Variants in CCSER1 observed in about 807,000 individuals in gnomAD.
CCSER1 encodes serine-rich coiled-coil domain-containing protein 1.
CCSER1 carries 41 observed loss-of-function variants against 82.0 expected under a neutral mutation model. The ratio of observed to expected loss-of-function variants is 0.50; its 90% CI spans 0.39 to 0.65. CCSER1 has a LOEUF of 0.65. Among genes scored for constraint, CCSER1 ranks in the 30% least tolerant of loss-of-function variants. The pLI, the probability that CCSER1 is intolerant of heterozygous loss-of-function variation, is 0.00. For missense variants in CCSER1, 1,119 were observed against 1,064.2 expected, an observed-to-expected ratio of 1.05 and a Z score of -0.72; for synonymous variants, 414 against 383.9, an observed-to-expected ratio of 1.08 and a Z score of -0.92.
At chr4:91,159,513 A>G (rs900340194) in intron 10 of CCSER1, among the ~76,000 whole-genome samples, 2 of 151,966 alleles carry the variant, frequency 1.3e-5, no homozygotes, top group African/African-American at 4.8e-5. Context: ...GGAAACATAA[A>G]TATTAATTAT....
intron 10 of CCSER1, among the ~76,000 whole-genome samples, chr4:91,287,102 G>A (rs1743333827): frequency 6.6e-6 from 1 of 151,442 alleles, no homozygotes; most frequent in South Asian, 2.1e-4. Context: ...TTTAAAGTGG[G>A]GTACCTTAAA....
chr4:90,158,665 G>T (rs1025722794), intron 1 of CCSER1, among the ~76,000 whole-genome samples: 9 of 152,208 alleles, frequency 5.9e-5, no homozygotes, highest in Non-Finnish European at 1.3e-4. Context: ...CTCCGTGGGC[G>T]TAGGACCCTC....
intron 4 of CCSER1, among the ~76,000 whole-genome samples, chr4:90,463,240 G>A (rs879365519): frequency 1.3e-5 from 2 of 152,014 alleles, no homozygotes; most frequent in Admixed American, 6.6e-5. Context: ...CCAGATGTAG[G>A]GATATTATTG....
rs768964116 is a variant in CCSER1, at chr4:90,662,000, CTTTTTTT to C, written c.1932+33778_1932+33784del. 2.9e-5 allele frequency among the ~76,000 whole-genome samples: 4 copies of C among 136,186 alleles called. No individual in the cohort carries two copies. The East Asian group carries it at 8.6e-4, about 29-fold the overall frequency. The allele number at this position is 136,186 out of a possible 152,430, so 89.3% of individuals were successfully genotyped here. On this transcript the variant is annotated intron_variant, in intron 6 of 10. Coordinates refer to ENST00000509176, the MANE Select transcript of CCSER1 (RefSeq NM_001145065.2). ...TATACCACTCTTTGTTTCTTTCTTT[CTTTTTTT>C]TTTTTTTTTGAGACTTAGTCTCACT...
chr4:90,923,397 T>C lies in CCSER1; in HGVS notation c.2122T>C (p.Phe708Leu). Residue 708 changes from phenylalanine (F) to leucine (L), a missense_variant, in exon 9 of 11, where the codon TTT (phenylalanine) becomes CTT (leucine). Coordinates refer to ENST00000509176, the MANE Select transcript of CCSER1 (RefSeq NM_001145065.2). ...LGKVRHLQKA[F>L]ASRVDKSTQT... Reference sequence around the variant, plus strand: ...AAAAGTCCGGCATTTACAGAAGGCTTTTGCTTCAAGAGTAGATAAATCCAC... The same window carrying C: ...AAAAGTCCGGCATTTACAGAAGGCTCTTGCTTCAAGAGTAGATAAATCCAC... 1 of 1,551,484 alleles carries C rather than the reference T, an allele frequency of 6.4e-7. No individual in the cohort carries two copies. The highest frequency in any genetic ancestry group is 8.7e-7 in the Non-Finnish European group (1 of 1,146,832).
At chr4:91,349,199 G>A (rs1414498806) in intron 10 of CCSER1, among the ~76,000 whole-genome samples, 5 of 149,788 alleles carry the variant, frequency 3.3e-5, no homozygotes, top group South Asian at 2.1e-4. Flanking sequence ...GAGACACGGC[G>A]CCCGGCCAAT....
chr4:91,289,064 G>A (rs748474894), intron 10 of CCSER1, among the ~76,000 whole-genome samples: 6 of 152,012 alleles, frequency 3.9e-5, no homozygotes, highest in Non-Finnish European at 7.4e-5. Context: ...AGCCAAAGGA[G>A]GGACTTACAT....
intron 10 of CCSER1, among the ~76,000 whole-genome samples, chr4:91,137,816 G>A (rs1357992379): frequency 3.3e-5 from 5 of 151,258 alleles, no homozygotes; most frequent in Non-Finnish European, 7.4e-5. Context: ...GCCAAATCAT[G>A]AGTGAAATCC....
chr4:90,395,915 CA>C (rs57765593), intron 3 of CCSER1, among the ~76,000 whole-genome samples: 1,739 of 101,994 alleles, frequency 0.017, 23 homozygotes, highest in South Asian at 0.046. Context: ...ACTAAAAATA[CA>C]AAAAAAAAAA....
At chr4:91,217,629 T>C (rs932467205) in intron 10 of CCSER1, among the ~76,000 whole-genome samples, 6 of 152,184 alleles carry the variant, frequency 3.9e-5, no homozygotes, top group Non-Finnish European at 7.3e-5. Flanking sequence ...AGAGTGTCGA[T>C]TGGTGCACTC....
intron 4 of CCSER1, among the ~76,000 whole-genome samples, chr4:90,422,178 T>A (rs1244012522): frequency 6.6e-6 from 1 of 152,180 alleles, no homozygotes; most frequent in Non-Finnish European, 1.5e-5. Context: ...GCAAAGTCAT[T>A]TAAGACTCTG....
At chr4:90,319,045 G>A (rs1490032177) in intron 3 of CCSER1, among the ~76,000 whole-genome samples, 1 of 152,150 alleles carries the variant, frequency 6.6e-6, no homozygotes, top group African/African-American at 2.4e-5. Context: ...ATGAACTCCT[G>A]TTTCCCAGCT....
chr4:91,598,875 A>C lies in CCSER1; in HGVS notation c.2521A>C (p.Thr841Pro), dbSNP rs534372336. The change falls in exon 11 of 11, where the codon ACG becomes CCG. Residue 841 changes from threonine (T) to proline (P), a missense_variant. Coordinates refer to ENST00000509176, the MANE Select transcript of CCSER1 (RefSeq NM_001145065.2). ...AACAGCTAAGACAGAAGGGCTCTCC[A>C]CGTTCTTAGAGAAACCAAAGGACCA... ...KPTAKTEGLS[T>P]FLEKPKDQVA... 3.9e-6 allele frequency: 6 copies of C among 1,551,520 alleles called. No individual in the cohort carries two copies. The African/African-American group carries it at 6.8e-5, about 18-fold the overall frequency.
intron 8 of CCSER1, among the ~76,000 whole-genome samples, chr4:90,910,125 C>A (rs1726111182): frequency 6.6e-6 from 1 of 152,034 alleles, no homozygotes; most frequent in Non-Finnish European, 1.5e-5. Context: ...AAAGAGAGAG[C>A]AAAGTGGGAA....
At chr4:90,481,132 T>A (rs1248562791) in intron 5 of CCSER1, among the ~76,000 whole-genome samples, 1 of 152,216 alleles carries the variant, frequency 6.6e-6, no homozygotes, top group Non-Finnish European at 1.5e-5. Context: ...TTTATTCTCA[T>A]TGAAGCAATT....
rs187626627 is a variant in CCSER1, at chr4:90,504,238, A to T, written c.1724+35884A>T. On this transcript the variant is annotated intron_variant, in intron 5 of 10. Transcript: ENST00000509176. ...AATCCTAAATTTCCATGAACTTATC[A>T]CATGAACTTGAAAAATGCTTGGACT... Among the ~76,000 whole-genome samples the T allele has an allele frequency of 2.6e-5, 4 of 152,314 alleles. No individual in the cohort carries two copies. In the East Asian group the frequency reaches 7.7e-4, roughly 29 times the overall value.
chr4:91,338,312 G>T (rs1293839368), intron 10 of CCSER1, among the ~76,000 whole-genome samples: 1 of 152,104 alleles, frequency 6.6e-6, no homozygotes. Flanking sequence ...GAGGCATCAT[G>T]AGAAGAATAT....
At chr4:91,439,480 A>G (rs890078806) in intron 10 of CCSER1, among the ~76,000 whole-genome samples, 1 of 152,168 alleles carries the variant, frequency 6.6e-6, no homozygotes, top group Non-Finnish European at 1.5e-5. Context: ...TCCTGAAGGA[A>G]GCACTAAACA....
chr4:90,415,337 G>C (rs926050925), intron 4 of CCSER1, among the ~76,000 whole-genome samples: 2 of 152,176 alleles, frequency 1.3e-5, no homozygotes, highest in African/African-American at 4.8e-5. Flanking sequence ...ACGGTGCCAC[G>C]TCAGTGTGGC....
Sources: allele counts gnomAD v4.1 joint callset (sites outside exome capture counted in the v4.1 genomes callset), GRCh38; gene constraint gnomAD v4.1.1; transcripts MANE v1.5; gene names NCBI Gene and HGNC (gene_info 2026-07-23, HGNC 2026-07-21).